Variants in SEMA3C observed in about 807,000 individuals in gnomAD.
SEMA3C encodes the protein semaphorin 3C, also known as semaphorin-3C.
In SEMA3C, 47 loss-of-function variants were observed where a neutral mutation model predicts 89.4. The observed-to-expected ratio is 0.53, with a 90% CI of 0.42 to 0.67. The LOEUF (loss-of-function observed/expected upper bound fraction) is 0.67, where lower values mean the gene tolerates loss of function less well. SEMA3C is among the 30% of genes least tolerant of loss of function. SEMA3C has a pLI of 0.00. For missense variants in SEMA3C, 839 were observed against 929.1 expected (o/e 0.90, Z 1.26); for synonymous variants, 310 against 320.2 (o/e 0.97, Z 0.34).
rs372389885 is a variant in SEMA3C at position 80,757,166 on chromosome 7, T to A, written c.1643+1165A>T. On this transcript the variant is annotated intron_variant, in intron 15 of 17. Transcript: ENST00000265361. Reference sequence around the variant, plus strand: ...AAAGGAATGTAGAGAATAAAAACCATAAAGCACCATCACCCCAGTGCTTTA... The same window carrying A: ...AAAGGAATGTAGAGAATAAAAACCAAAAAGCACCATCACCCCAGTGCTTTA... 4.9e-4 allele frequency among the ~76,000 whole-genome samples: 74 copies of A among 152,318 alleles called. 1 individual carries two copies. Among genetic ancestry groups the A allele is most frequent in the Middle Eastern group, 3.4e-3 (1 of 294 alleles).
chr7:80,768,009 G>C (rs1356075846), intron 12 of SEMA3C, among the ~76,000 whole-genome samples: 3 of 152,174 alleles, frequency 2.0e-5, no homozygotes, highest in African/African-American at 4.8e-5. Flanking sequence ...AAAAGAGCAA[G>C]ACAGAGTTTG....
intron 12 of SEMA3C, among the ~76,000 whole-genome samples, chr7:80,779,934 AC>A (rs2117090537): frequency 6.6e-6 from 1 of 152,270 alleles, no homozygotes; most frequent in South Asian, 2.1e-4. Flanking sequence ...GGAGTTAAGG[AC>A]CTTACTTCTG....
At chr7:80,769,510 T>C (rs1562867093) in intron 12 of SEMA3C, among the ~76,000 whole-genome samples, 1 of 152,122 alleles carries the variant, frequency 6.6e-6, no homozygotes, top group East Asian at 1.9e-4. Flanking sequence ...ACATACTTTA[T>C]GCATACCATT....
At chr7:80,782,282 A>T (rs2117094657) in intron 12 of SEMA3C, among the ~76,000 whole-genome samples, 1 of 152,332 alleles carries the variant, frequency 6.6e-6, no homozygotes, top group East Asian at 1.9e-4. Flanking sequence ...TCCAAGGTGC[A>T]GTTCGTCCAA....
At chr7:80,906,041 C>T (rs760636789) in intron 2 of SEMA3C, 10 of 411,072 alleles carry the variant, frequency 2.4e-5, no homozygotes, top group Middle Eastern at 5.6e-4. Context: ...ATGGACATAA[C>T]AAGCTTTACA....
rs1457297666 is a variant in SEMA3C at position 80,840,522 on chromosome 7, A to T, written c.104-11777T>A. The stretch of plus-strand genomic sequence containing the variant: ...TGACAGAGCACCTGTCTCCAGGAAA[A>T]AAAAAAAAAAAAAAAAAAAAAGAGC... On this transcript the variant is annotated intron_variant, in intron 2 of 17. Coordinates refer to ENST00000265361, the MANE Select transcript of SEMA3C (RefSeq NM_006379.5). Among the ~76,000 whole-genome samples the T allele has an allele frequency of 2.8e-3, 273 of 98,610 alleles. 3 individuals are homozygous for T. Among genetic ancestry groups the T allele is most frequent in the African/African-American group, 9.0e-3 (263 of 29,102 alleles). The allele number at this position is 98,610 out of a possible 152,430, so 64.7% of individuals were successfully genotyped here. A position where few individuals can be genotyped will look rare whatever the true frequency, so the allele number is the denominator to read the frequency against.
chr7:80,799,653 C>T (rs548462111), intron 10 of SEMA3C, among the ~76,000 whole-genome samples: 2 of 151,070 alleles, frequency 1.3e-5, no homozygotes, highest in Non-Finnish European at 2.9e-5. Context: ...ACCAGCCTGA[C>T]CAACATGGTG....
intron 11 of SEMA3C, among the ~76,000 whole-genome samples, chr7:80,794,893 T>C (rs1159478035): frequency 6.6e-6 from 1 of 152,210 alleles, no homozygotes; most frequent in African/African-American, 2.4e-5. Flanking sequence ...TTCTTCCTAC[T>C]GACTTGGGCT....
chr7:80,916,271 T>C (rs903813128), intron 2 of SEMA3C, among the ~76,000 whole-genome samples: 1 of 152,040 alleles, frequency 6.6e-6, no homozygotes, highest in Non-Finnish European at 1.5e-5. Flanking sequence ...CCCAAAAAAT[T>C]AATTGGGAGA....
At position 80,789,507 on chromosome 7, in the gene SEMA3C, G is replaced by C; in HGVS notation, c.1153C>G (p.Pro385Ala). 6.2e-7 allele frequency: 1 copy of C among 1,612,226 alleles called. No individual in the cohort carries two copies. The highest frequency in any genetic ancestry group is 8.5e-7 in the Non-Finnish European group (1 of 1,179,082). ...PGTCPGGAFT[P>A]NMRTTKEFPD... is the part of the protein sequence containing the mutation. The stretch of plus-strand genomic sequence containing the variant: ...AACTCCTTGGTGGTTCGCATATTGG[G>C]TGTAAATGCTCCTCCTGGACACTAG... Residue 385 changes from proline to alanine, a missense_variant, in exon 12 of 18, where the codon CCC (proline) becomes GCC (alanine). Transcript: ENST00000265361.
At chr7:80,883,587 G>T (rs1018612391) in intron 2 of SEMA3C, among the ~76,000 whole-genome samples, 3 of 152,146 alleles carry the variant, frequency 2.0e-5, no homozygotes, top group African/African-American at 7.2e-5. Flanking sequence ...CAGACATAAG[G>T]TCACCACCCT....
At chr7:80,784,849 CA>C (rs1276085828) in intron 12 of SEMA3C, among the ~76,000 whole-genome samples, 1 of 151,974 alleles carries the variant, frequency 6.6e-6, no homozygotes. Flanking sequence ...CTTAAAAATA[CA>C]AAACAACATT....
Position 80,812,476 on chromosome 7 carries a change from CA to C in SEMA3C, c.448-1776del, listed in dbSNP as rs201560805. ...CATAAACCAGAAGAAAAACAAACAA[CA>C]AAAAAAATAGTAAGCCTTGTTGCGG... On this transcript the variant is annotated intron_variant, in intron 5 of 17. Coordinates refer to ENST00000265361, the MANE Select transcript of SEMA3C (RefSeq NM_006379.5). 4.2e-3 allele frequency among the ~76,000 whole-genome samples: 637 copies of C among 151,898 alleles called. 3 individuals carry two copies. Among genetic ancestry groups the C allele is most frequent in the Admixed American group, 0.017 (262 of 15,268 alleles).
At chr7:80,841,562 T>C (rs1790268988) in intron 2 of SEMA3C, among the ~76,000 whole-genome samples, 1 of 152,136 alleles carries the variant, frequency 6.6e-6, no homozygotes, top group Non-Finnish European at 1.5e-5. Flanking sequence ...CATCAGCATC[T>C]AACTGGAAAA....
At chr7:80,780,542 T>C (rs546751433) in intron 12 of SEMA3C, among the ~76,000 whole-genome samples, 1 of 152,216 alleles carries the variant, frequency 6.6e-6, no homozygotes, top group East Asian at 1.9e-4. Flanking sequence ...TTGTATTAAG[T>C]TTCTATTGCT....
At chr7:80,810,461 T>C in intron 6 of SEMA3C, 150 bp downstream of exon 6, 2 of 541,464 alleles carry the variant, frequency 3.7e-6, no homozygotes, top group Non-Finnish European at 6.5e-6. Context: ...AATGAGAAAC[T>C]GAACTCTCTA....
intron 11 of SEMA3C, among the ~76,000 whole-genome samples, chr7:80,797,338 C>T (rs188673741): frequency 1.3e-4 from 19 of 151,966 alleles, no homozygotes; most frequent in Non-Finnish European, 2.2e-4. Context: ...AGAAAAATTC[C>T]GGTTCTAATA....
intron 2 of SEMA3C, among the ~76,000 whole-genome samples, chr7:80,878,520 G>A (rs1201854431): frequency 6.6e-6 from 1 of 152,138 alleles, no homozygotes; most frequent in African/African-American, 2.4e-5. Flanking sequence ...TGGTGAGAGA[G>A]GAAGTTAGCT....
chr7:80,824,208 TTA>T lies in SEMA3C; in HGVS notation c.327+3215_327+3216del, dbSNP rs1403120160. 2.0e-5 allele frequency among the ~76,000 whole-genome samples: 3 copies of T among 152,308 alleles called. No individual in the cohort carries two copies. The East Asian group carries it at 5.8e-4, about 29-fold the overall frequency. On this transcript the variant is annotated intron_variant, in intron 4 of 17. Coordinates refer to ENST00000265361, the MANE Select transcript of SEMA3C (RefSeq NM_006379.5). ...AGTATGGATTTTAATTGCTAACACTTTATGTTTTGCTTAGATGATTAACAGAG... is the reference window on the plus strand; with the variant it reads ...AGTATGGATTTTAATTGCTAACACTTTGTTTTGCTTAGATGATTAACAGAG...
Sources: gnomAD v4.1 joint callset for allele counts (sites outside exome capture counted in the v4.1 genomes callset) on GRCh38, gnomAD v4.1.1 for gene constraint, MANE v1.5 for transcripts, NCBI Gene and HGNC (gene_info 2026-07-23, HGNC 2026-07-21) for gene names.